The following NDE1 variants were observed in gnomAD, a reference collection of about 807,000 sequenced individuals.
NDE1 encodes nudE neurodevelopment protein 1.
A neutral mutation model predicts 43.4 loss-of-function variants in NDE1; 28 were observed. The ratio of observed to expected loss-of-function variants is 0.65; its 90% CI spans 0.48 to 0.89. The LOEUF (loss-of-function observed/expected upper bound fraction) is 0.89, where lower values mean the gene tolerates loss of function less well. Ranked by LOEUF, NDE1 falls within the 40% of genes least tolerant of loss-of-function variation. NDE1 has a pLI of 0.00. For synonymous variants in NDE1, 184 were observed against 172.0 expected (o/e 1.07, Z -0.55); for missense variants, 441 against 434.1 (o/e 1.02, Z -0.14).
intron 8 of NDE1, chr16:15,719,173 C>T (rs1403037497): frequency 6.5e-7 from 1 of 1,548,146 alleles, no homozygotes; most frequent in Non-Finnish European, 8.9e-7. Context: ...GCTGCCTGTC[C>T]CCCCATCCTC....
chr16:15,680,198 C>CT (rs904365088), intron 4 of NDE1, among the ~76,000 whole-genome samples: 8 of 152,182 alleles, frequency 5.3e-5, no homozygotes, highest in African/African-American at 1.7e-4. Flanking sequence ...AATCTCTTTG[C>CT]TTTTTTTAGC....
Position 15,667,338 on chromosome 16 carries a change from T to C in NDE1, c.136T>C (p.Tyr46His), listed in dbSNP as rs1470981828. 6.2e-7 allele frequency: 1 copy of C among 1,614,058 alleles called. No homozygotes were observed. Residue 46 changes from tyrosine to histidine, a missense_variant, in exon 3 of 9, where the codon TAT (tyrosine) becomes CAT (histidine). Tyr to His is a moderately conservative substitution (Grantham distance 83). Transcript: ENST00000396354. ...AGAATTCCAGGAGGGAAGCCGAGAA[T>C]ATGAAGCTGAATTGGAGACGCAGCT... is the stretch of plus-strand genomic sequence containing the variant. ...LREFQEGSRE[Y>H]EAELETQLQQ...
intron 7 of NDE1, chr16:15,695,551 G>A (rs2038971892): frequency 1.0e-6 from 1 of 984,108 alleles, no homozygotes; most frequent in Middle Eastern, 5.2e-4. Flanking sequence ...TGGCCTTTCA[G>A]CTTTTATGTT....
Position 15,687,473 on chromosome 16 carries a change from T to C in NDE1, c.485T>C (p.Leu162Pro). ...LESELDEKENLLESVQRLKDE... is the reference protein window; with the variant it reads ...LESELDEKENPLESVQRLKDE... ...AGTGAACTTGATGAAAAAGAGAATC[T>C]CCTGGAATCTGTTCAGAGACTGAAG... Residue 162 changes from leucine to proline, a missense_variant, in exon 5 of 9, where the codon CTC becomes CCC. Physicochemically the swap from Leu to Pro is moderately conservative, Grantham distance 98. Coordinates refer to ENST00000396354, the MANE Select transcript of NDE1 (RefSeq NM_017668.3). 6.2e-7 allele frequency: 1 copy of C among 1,614,166 alleles called. No homozygotes were observed. The highest frequency in any genetic ancestry group is 8.5e-7 in the Non-Finnish European group (1 of 1,180,034).
intron 1 of NDE1, among the ~76,000 whole-genome samples, chr16:15,659,425 CTTTTTTTTTTTTTTTT>C (rs35091023): frequency 3.4e-5 from 2 of 58,892 alleles, no homozygotes; most frequent in Non-Finnish European, 3.0e-5. Context: ...TGCACACAAT[CTTTTTTTTTTTTTTTT>C]TTTTTTTTTT....
chr16:15,709,016 C>G (rs931389393), intron 8 of NDE1, among the ~76,000 whole-genome samples: 1 of 151,884 alleles, frequency 6.6e-6, no homozygotes, highest in Non-Finnish European at 1.5e-5. Context: ...GATCTTGGCT[C>G]ACTGCAACCT....
At chr16:15,707,549 T>TC (rs2039522168) in intron 8 of NDE1, among the ~76,000 whole-genome samples, 1 of 152,156 alleles carries the variant, frequency 6.6e-6, no homozygotes, top group African/African-American at 2.4e-5. Flanking sequence ...CAAAACTGGC[T>TC]CTTAACAAGA....
rs1265069312 is a variant in NDE1, at chr16:15,678,100, A to G, written c.386+151A>G. 7 of 1,000,682 alleles carry G rather than the reference A, an allele frequency of 7.0e-6. No individual in the cohort carries two copies. In the East Asian group the frequency reaches 1.3e-4, roughly 18 times the overall value. 62.0% of individuals were successfully genotyped at this position (1,000,682 alleles called of 1,614,324 possible). A position where few individuals can be genotyped will look rare whatever the true frequency, so the allele number is the denominator to read the frequency against. On this transcript the variant is annotated intron_variant, in intron 4 of 8. Coordinates refer to ENST00000396354, the MANE Select transcript of NDE1 (RefSeq NM_017668.3). ...CTTCTGGATTTTAGTGCCCGGGGGGAAATGGACAATAGTCGAAGAAGTGCA... is the reference window on the plus strand; with the variant it reads ...CTTCTGGATTTTAGTGCCCGGGGGGGAATGGACAATAGTCGAAGAAGTGCA...
chr16:15,665,754 A>C (rs1429180139), intron 2 of NDE1, among the ~76,000 whole-genome samples: 6 of 127,876 alleles, frequency 4.7e-5, no homozygotes, highest in African/African-American at 8.9e-5. Context: ...CTTCCATCTT[A>C]TTTTCTTTTT....
At chr16:15,672,781 T>C (rs2037663155) in intron 3 of NDE1, 1 of 152,234 alleles carries the variant, frequency 6.6e-6, no homozygotes, top group Non-Finnish European at 1.5e-5. Context: ...GGTTAATGAC[T>C]TAAGATCCTG....
At chr16:15,645,144 T>C (rs2036305286) in intron 1 of NDE1, among the ~76,000 whole-genome samples, 1 of 152,126 alleles carries the variant, frequency 6.6e-6, no homozygotes, top group Non-Finnish European at 1.5e-5. Flanking sequence ...GGTCTCGAAC[T>C]CCTAGCCTCA....
At chr16:15,715,360 CT>C in intron 8 of NDE1, 1 of 1,210,924 alleles carries the variant, frequency 8.3e-7, no homozygotes. Context: ...ATCTTGAGTG[CT>C]TTCCTGAGCC....
chr16:15,718,257 G>C, intron 8 of NDE1: 5 of 1,603,184 alleles, frequency 3.1e-6, no homozygotes, highest in Non-Finnish European at 4.2e-6. Context: ...ACTGGTGCAG[G>C]ATCCTGCTGC....
chr16:15,720,143 T>C, intron 8 of NDE1: 1 of 1,614,096 alleles, frequency 6.2e-7, no homozygotes, highest in South Asian at 1.1e-5. Flanking sequence ...GCTCCTAGTG[T>C]CACCCACCTG....
In NDE1 at chr16:15,714,218, C is replaced by T. The variant is rs369014798; in HGVS notation, c.948-9973C>T. On this transcript the variant is annotated intron_variant, in intron 8 of 8. Transcript: ENST00000396354. ...CAGCCCTTGGGAGCAGGGGGGACCC[C>T]CAAGGTACCAGAGGCATGGGAGAGA... 270 of 153,856 alleles carry T rather than the reference C, an allele frequency of 1.8e-3. 8 individuals are homozygous for T. In the South Asian group the frequency reaches 0.054, roughly 31 times the overall value. The allele number at this position is 153,856 out of a possible 1,614,324, so 9.5% of individuals were successfully genotyped here.
chr16:15,697,386 G>A (rs537028770), intron 8 of NDE1, among the ~76,000 whole-genome samples: 15 of 152,190 alleles, frequency 9.9e-5, no homozygotes, highest in African/African-American at 2.9e-4. Flanking sequence ...TGCTACTCAC[G>A]GTTACACTGT....
chr16:15,673,070 C>A (rs943361902), intron 3 of NDE1, among the ~76,000 whole-genome samples: 2 of 152,188 alleles, frequency 1.3e-5, no homozygotes, highest in Non-Finnish European at 2.9e-5. Flanking sequence ...TGGGTGCATC[C>A]GGACTTTCTA....
At chr16:15,718,922 G>A in intron 8 of NDE1, 1 of 437,810 alleles carries the variant, frequency 2.3e-6, no homozygotes, top group South Asian at 2.1e-5. Context: ...AAGGTCAGGA[G>A]TTCAAGACTA....
intron 3 of NDE1, among the ~76,000 whole-genome samples, chr16:15,674,715 T>G (rs2037777700): frequency 6.6e-6 from 1 of 152,116 alleles, no homozygotes; most frequent in Non-Finnish European, 1.5e-5. Flanking sequence ...GATTCCTTTT[T>G]TTTTGCTTTT....
Sources: gnomAD v4.1 joint callset for allele counts (sites outside exome capture counted in the v4.1 genomes callset) on GRCh38, gnomAD v4.1.1 for gene constraint, MANE v1.5 for transcripts, NCBI Gene and HGNC (gene_info 2026-07-23, HGNC 2026-07-21) for gene names.